EPHB1: variants seen among roughly 807,000 people sequenced by gnomAD.
EPHB1 encodes ephrin type-B receptor 1.
A neutral mutation model predicts 94.4 loss-of-function variants in EPHB1; 30 were observed. The ratio of observed to expected loss-of-function variants is 0.32; its 90% CI spans 0.24 to 0.43. The LOEUF (loss-of-function observed/expected upper bound fraction) is 0.43. Ranked by LOEUF, EPHB1 falls within the 20% of genes least tolerant of loss-of-function variation. The pLI, the probability that EPHB1 is intolerant of heterozygous loss-of-function variation, is 1.00. For synonymous variants in EPHB1, 522 were observed against 489.1 expected (o/e 1.07, Z -0.89); for missense variants, 1,055 against 1,308.3 (o/e 0.81, Z 2.99).
rs1475101103 is a variant in EPHB1, at chr3:135,154,355, A to G, written c.1422+79A>G. 4.7e-5 allele frequency: 74 copies of G among 1,586,264 alleles called. No individual in the cohort carries two copies. In the East Asian group the frequency reaches 1.7e-3, roughly 36 times the overall value. On this transcript the variant is annotated intron_variant, in intron 6 of 15. Transcript: ENST00000398015. ...TGGATGGTTGCTAGCTGAAGGCACA[A>G]AGGAGATAGGCTGCTGAGGTGGGGA... is the stretch of plus-strand genomic sequence containing the variant.
chr3:135,182,995 C>G (rs1316231914), intron 10 of EPHB1, among the ~76,000 whole-genome samples: 1 of 71,558 alleles, frequency 1.4e-5, no homozygotes, highest in African/African-American at 3.9e-5. Context: ...GCTTTCTTTT[C>G]TTTTCTTTTC....
chr3:134,899,658 GTTTGT>G (rs371354873), intron 1 of EPHB1, among the ~76,000 whole-genome samples: 8 of 152,084 alleles, frequency 5.3e-5, no homozygotes, highest in Non-Finnish European at 1.0e-4. Flanking sequence ...GTTTTTGTTT[GTTTGT>G]TTTGTTTTGT....
chr3:135,058,085 G>C (rs1326296284), intron 3 of EPHB1, among the ~76,000 whole-genome samples: 2 of 152,228 alleles, frequency 1.3e-5, no homozygotes, highest in African/African-American at 4.8e-5. Flanking sequence ...GAGGGGCCAT[G>C]AGTCAGGTGG....
chr3:135,185,181 G>A (rs147349314), intron 10 of EPHB1, among the ~76,000 whole-genome samples: 43 of 152,358 alleles, frequency 2.8e-4, no homozygotes, highest in Admixed American at 7.8e-4. Context: ...TGCAGTGAAA[G>A]GGCTGTGTGA....
chr3:135,004,284 G>A (rs1321602776), intron 3 of EPHB1, among the ~76,000 whole-genome samples: 1 of 150,900 alleles, frequency 6.6e-6, no homozygotes, highest in Non-Finnish European at 1.5e-5. Flanking sequence ...TTGAATATTG[G>A]CCCCCACTCT....
At chr3:134,847,223 G>A (rs1221645642) in intron 1 of EPHB1, among the ~76,000 whole-genome samples, 1 of 152,042 alleles carries the variant, frequency 6.6e-6, no homozygotes, top group Non-Finnish European at 1.5e-5. Flanking sequence ...CCAGGACTTG[G>A]ACAGCAGCAG....
chr3:135,152,048 T>C (rs368510166), intron 5 of EPHB1, among the ~76,000 whole-genome samples: 1 of 152,206 alleles, frequency 6.6e-6, no homozygotes, highest in Non-Finnish European at 1.5e-5. Flanking sequence ...GGAAAGAGAA[T>C]TGGATTCACT....
chr3:134,882,765 C>CTTTCTTTCTTTCTCT (rs1553861895), intron 1 of EPHB1, among the ~76,000 whole-genome samples: 3 of 79,882 alleles, frequency 3.8e-5, no homozygotes, highest in South Asian at 4.9e-4. Context: ...TTCCTTCCTT[C>CTTTCTTTCTTTCTCT]CTTTCTTTCT....
chr3:135,241,361 T>C, intron 13 of EPHB1, 64 bp downstream of exon 13: 1 of 1,594,172 alleles, frequency 6.3e-7, no homozygotes, highest in South Asian at 1.1e-5. Flanking sequence ...GGCAGTAGCA[T>C]ACCAATTCCT....
intron 5 of EPHB1, among the ~76,000 whole-genome samples, chr3:135,151,725 A>G (rs1057277037): frequency 1.3e-5 from 2 of 152,218 alleles, no homozygotes; most frequent in African/African-American, 4.8e-5. Context: ...ACTAAGTTGC[A>G]GGCAAGAAAA....
intron 6 of EPHB1, among the ~76,000 whole-genome samples, chr3:135,157,864 G>T (rs1317379443): frequency 2.0e-5 from 3 of 152,190 alleles, no homozygotes; most frequent in Admixed American, 1.3e-4. Context: ...AGGAAAAAAA[G>T]TGTATACTTG....
intron 3 of EPHB1, among the ~76,000 whole-genome samples, chr3:135,020,859 A>T (rs1490738128): frequency 6.6e-6 from 1 of 152,172 alleles, no homozygotes; most frequent in Non-Finnish European, 1.5e-5. Flanking sequence ...TCTTCAATCT[A>T]CCTGGAATGT....
intron 3 of EPHB1, among the ~76,000 whole-genome samples, chr3:135,005,869 A>G (rs922285844): frequency 2.6e-5 from 4 of 152,198 alleles, no homozygotes; most frequent in African/African-American, 9.6e-5. Flanking sequence ...GGCACTCCCT[A>G]GTGAGATGAA....
At chr3:134,952,896 C>CTAAGTGCATGGAAG (rs1434422662) in intron 3 of EPHB1, among the ~76,000 whole-genome samples, 103 of 152,270 alleles carry the variant, frequency 6.8e-4, no homozygotes, top group Non-Finnish European at 8.4e-4. Context: ...TATGCATTGT[C>CTAAGTGCATGGAAG]TAAGTGCATG....
chr3:135,123,995 C>T lies in EPHB1; in HGVS notation c.962-8719C>T, dbSNP rs139869441. 2.0e-4 allele frequency among the ~76,000 whole-genome samples: 31 copies of T among 151,794 alleles called. No individual in the cohort carries two copies. The East Asian group carries it at 6.0e-3, about 29-fold the overall frequency. On this transcript the variant is annotated intron_variant, in intron 4 of 15. Transcript: ENST00000398015. ...CTGCTCAGAGCCCTCCTTACAGTAA[C>T]ACCTCATTTACAGTAAAATTCCTGG...
intron 9 of EPHB1, among the ~76,000 whole-genome samples, chr3:135,169,509 A>C (rs1941744241): frequency 6.6e-6 from 1 of 152,126 alleles, no homozygotes; most frequent in African/African-American, 2.4e-5. Context: ...ATTGAATTGC[A>C]TTTGTGCGTT....
intron 2 of EPHB1, among the ~76,000 whole-genome samples, chr3:134,945,941 T>C (rs1355811009): frequency 6.6e-6 from 1 of 152,228 alleles, no homozygotes; most frequent in Non-Finnish European, 1.5e-5. Flanking sequence ...ATTCCCCCTT[T>C]TTTAAGAAAA....
At chr3:135,195,230 T>A (rs1576460774) in intron 11 of EPHB1, among the ~76,000 whole-genome samples, 2 of 151,960 alleles carry the variant, frequency 1.3e-5, no homozygotes, top group African/African-American at 4.8e-5. Context: ...GTGATCACAC[T>A]CCCCCGCTGG....
intron 1 of EPHB1, among the ~76,000 whole-genome samples, chr3:134,873,011 C>T (rs148770682): frequency 2.0e-5 from 3 of 152,260 alleles, no homozygotes; most frequent in African/African-American, 7.2e-5. Context: ...CATGTTTTAG[C>T]CACAATTCAC....
Sources: gnomAD v4.1 joint callset for allele counts (sites outside exome capture counted in the v4.1 genomes callset) on GRCh38, gnomAD v4.1.1 for gene constraint, MANE v1.5 for transcripts, NCBI Gene and HGNC (gene_info 2026-07-23, HGNC 2026-07-21) for gene names.